The following TRAPPC9 variants were observed in gnomAD, a reference collection of about 807,000 sequenced individuals.
TRAPPC9 encodes trafficking protein particle complex subunit 9, also known as IKK2 binding protein.
Under a neutral mutation model 124.0 loss-of-function variants are expected in TRAPPC9, and 83 were observed. The observed-to-expected ratio is 0.67, with a 90% CI of 0.56 to 0.80. The LOEUF (loss-of-function observed/expected upper bound fraction) is 0.80, where lower values mean the gene tolerates loss of function less well. Ranked by LOEUF, TRAPPC9 falls within the 30% of genes least tolerant of loss-of-function variation. TRAPPC9 has a pLI of 0.00. For synonymous variants in TRAPPC9, 638 were observed against 617.5 expected, an observed-to-expected ratio of 1.03 and a Z score of -0.49; for missense variants, 1,302 against 1,508.3, an observed-to-expected ratio of 0.86 and a Z score of 2.27.
At chr8:140,329,685 C>T (rs911834726) in intron 9 of TRAPPC9, among the ~76,000 whole-genome samples, 1 of 152,198 alleles carries the variant, frequency 6.6e-6, no homozygotes, top group African/African-American at 2.4e-5. Flanking sequence ...CCATATTAAG[C>T]AACCTCCTCG....
intron 21 of TRAPPC9, among the ~76,000 whole-genome samples, chr8:139,808,446 G>A (rs574889767): frequency 2.0e-4 from 31 of 152,266 alleles, no homozygotes; most frequent in African/African-American, 6.3e-4. Context: ...GAGCGACAGC[G>A]CAAGACTCCA....
At chr8:140,218,788 C>T (rs184981681) in intron 17 of TRAPPC9, among the ~76,000 whole-genome samples, 153 of 151,992 alleles carry the variant, frequency 1.0e-3, no homozygotes, top group African/African-American at 3.6e-3. Context: ...GGTGAAACCC[C>T]GTCTCTGCTA....
intron 17 of TRAPPC9, among the ~76,000 whole-genome samples, chr8:140,102,994 A>G (rs976629974): frequency 6.0e-4 from 91 of 152,288 alleles, no homozygotes; most frequent in African/African-American, 2.1e-3. Flanking sequence ...CATAATCCTG[A>G]GCAAACAAGC....
At chr8:140,272,689 G>A (rs1240142342) in intron 15 of TRAPPC9, among the ~76,000 whole-genome samples, 1 of 152,096 alleles carries the variant, frequency 6.6e-6, no homozygotes, top group Non-Finnish European at 1.5e-5. Context: ...TTCCATTCAT[G>A]GCAGAAGAGG....
intron 5 of TRAPPC9, among the ~76,000 whole-genome samples, chr8:140,422,579 C>A (rs1564013679): frequency 6.6e-6 from 1 of 151,760 alleles, no homozygotes; most frequent in Admixed American, 6.6e-5. Flanking sequence ...AATGGTGAAA[C>A]CTCATCTCTA....
chr8:140,272,116 A>AATGGTGATGGTGGCG (rs1228802345), intron 15 of TRAPPC9, among the ~76,000 whole-genome samples: 14 of 120,118 alleles, frequency 1.2e-4, no homozygotes, highest in Admixed American at 2.4e-4. Context: ...TGGTGGTGGC[A>AATGGTGATGGTGGCG]ATGGTGATGG....
At chr8:139,924,923 A>G (rs1238577598) in intron 19 of TRAPPC9, among the ~76,000 whole-genome samples, 1 of 152,226 alleles carries the variant, frequency 6.6e-6, no homozygotes, top group Non-Finnish European at 1.5e-5. Context: ...AATGACTTTC[A>G]TGAGCAGGGG....
intron 21 of TRAPPC9, among the ~76,000 whole-genome samples, chr8:139,804,302 A>T: frequency 8.2e-6 from 1 of 122,698 alleles, no homozygotes; most frequent in Middle Eastern, 4.8e-3. Context: ...GCCACCACAC[A>T]CAACCACCAC....
intron 7 of TRAPPC9, among the ~76,000 whole-genome samples, chr8:140,392,291 A>AGC (rs2068949563): frequency 6.6e-6 from 1 of 152,212 alleles, no homozygotes; most frequent in East Asian, 1.9e-4. Context: ...TGCATGCAAC[A>AGC]AGCTGGCTGC....
chr8:139,946,367 G>C (rs1263747598), intron 19 of TRAPPC9, among the ~76,000 whole-genome samples: 1 of 152,182 alleles, frequency 6.6e-6, no homozygotes, highest in African/African-American at 2.4e-5. Context: ...CCGTAAGAAC[G>C]AGGCATGGCC....
At chr8:140,035,807 T>C (rs11783421) in intron 17 of TRAPPC9, among the ~76,000 whole-genome samples, 21,840 of 152,128 alleles carry the variant, frequency 0.14, 2,389 homozygotes, top group African/African-American at 0.31. Flanking sequence ...GATGCCTTGC[T>C]CCACGTGAGC....
intron 21 of TRAPPC9, among the ~76,000 whole-genome samples, chr8:139,803,164 T>C (rs958811861): frequency 2.1e-4 from 32 of 151,470 alleles, no homozygotes; most frequent in African/African-American, 6.8e-4. Flanking sequence ...GAGTGTGCTG[T>C]GTGCGCGTTG....
intron 21 of TRAPPC9, among the ~76,000 whole-genome samples, chr8:139,790,669 T>G (rs139488135): frequency 3.1e-3 from 473 of 152,266 alleles, no homozygotes; most frequent in Non-Finnish European, 4.7e-3. Context: ...CGTCTGACAA[T>G]GCACAGGACA....
chr8:139,784,423 A>G (rs1822038444), intron 21 of TRAPPC9, among the ~76,000 whole-genome samples: 1 of 151,686 alleles, frequency 6.6e-6, no homozygotes, highest in Non-Finnish European at 1.5e-5. Flanking sequence ...AAAATTCAAA[A>G]ATCAGCTGGG....
At chr8:139,974,501 G>C (rs771752693) in intron 19 of TRAPPC9, among the ~76,000 whole-genome samples, 1 of 152,150 alleles carries the variant, frequency 6.6e-6, no homozygotes, top group African/African-American at 2.4e-5. Context: ...CAACCCAGAG[G>C]GGTAGTTATG....
At chr8:140,343,438 T>C (rs1463678896) in intron 9 of TRAPPC9, among the ~76,000 whole-genome samples, 1 of 152,238 alleles carries the variant, frequency 6.6e-6, no homozygotes, top group Non-Finnish European at 1.5e-5. Flanking sequence ...GAAATCTCAC[T>C]GGGCCACGTC....
chr8:140,244,551 C>T (rs1385398293), intron 16 of TRAPPC9, among the ~76,000 whole-genome samples: 2 of 152,160 alleles, frequency 1.3e-5, no homozygotes, highest in Non-Finnish European at 2.9e-5. Flanking sequence ...CAAGAAACGG[C>T]AACCCAAAGG....
intron 11 of TRAPPC9, among the ~76,000 whole-genome samples, chr8:140,291,557 C>T (rs147881593): frequency 4.8e-4 from 73 of 152,382 alleles, no homozygotes; most frequent in Admixed American, 4.4e-3. Flanking sequence ...AGAATTCTGA[C>T]GACCTCCAAA....
rs1563804241 is a variant in TRAPPC9 at position 140,157,022 on chromosome 8, CTTTTCCATTCAAAAGCCTCCCT to C, written c.2556+64415_2556+64436del. Among the ~76,000 whole-genome samples, 282 of 32,096 alleles carry C rather than the reference CTTTTCCATTCAAAAGCCTCCCT, an allele frequency of 8.8e-3. 29 individuals carry two copies. The highest frequency in any genetic ancestry group is 0.023 in the African/African-American group (206 of 8,878). 21.1% of individuals were successfully genotyped at this position (32,096 alleles called of 152,430 possible). On this transcript the variant is annotated intron_variant, in intron 17 of 22. Coordinates refer to ENST00000438773, the MANE Select transcript of TRAPPC9 (RefSeq NM_001160372.4). ...CTCCCTTTTCCATTCAGAAGCCTCC[CTTTTCCATTCAAAAGCCTCCCT>C]TTTCCATTCAAAAGCCTCCCTTTCC... is the stretch of plus-strand genomic sequence containing the variant.
Sources: gnomAD v4.1 joint callset for allele counts (sites outside exome capture counted in the v4.1 genomes callset) on GRCh38, gnomAD v4.1.1 for gene constraint, MANE v1.5 for transcripts, NCBI Gene and HGNC (gene_info 2026-07-23, HGNC 2026-07-21) for gene names.